Variants in CEP85L observed in about 807,000 individuals in gnomAD.
The protein encoded by CEP85L is centrosomal protein 85L.
CEP85L carries 60 observed loss-of-function variants against 100.3 expected under a neutral mutation model. The ratio of observed to expected loss-of-function variants is 0.60; its 90% confidence interval spans 0.49 to 0.74. CEP85L has a LOEUF of 0.74. CEP85L is among the 30% of genes least tolerant of loss of function. The pLI, the probability that CEP85L is intolerant of heterozygous loss-of-function variation, is 0.00. For missense variants in CEP85L, 973 were observed against 936.2 expected (o/e 1.04, Z -0.51); for synonymous variants, 319 against 322.7 (o/e 0.99, Z 0.12).
intron 2 of CEP85L, among the ~76,000 whole-genome samples, chr6:118,619,590 A>G (rs991187696): frequency 2.0e-5 from 3 of 152,178 alleles, no homozygotes; most frequent in Non-Finnish European, 2.9e-5. Context: ...AAGAAAACGT[A>G]AACTCCGCGA....
At chr6:118,616,087 A>C (rs1321728867) in intron 2 of CEP85L, among the ~76,000 whole-genome samples, 1 of 152,170 alleles carries the variant, frequency 6.6e-6, no homozygotes, top group South Asian at 2.1e-4. Context: ...AAAATGGATC[A>C]CAAATATAAT....
chr6:118,541,680 T>C (rs1446390373), intron 3 of CEP85L, among the ~76,000 whole-genome samples: 3 of 152,160 alleles, frequency 2.0e-5, no homozygotes, highest in Non-Finnish European at 4.4e-5. Context: ...ATTATCAAAG[T>C]CTTTAAATAA....
intron 2 of CEP85L, among the ~76,000 whole-genome samples, chr6:118,588,664 T>C (rs1453652452): frequency 6.6e-6 from 1 of 152,232 alleles, no homozygotes; most frequent in Admixed American, 6.5e-5. Flanking sequence ...TTAAGCTCCC[T>C]CTTGCTTACA....
chr6:118,473,825 A>G (rs1297211047), intron 10 of CEP85L, among the ~76,000 whole-genome samples: 1 of 152,186 alleles, frequency 6.6e-6, no homozygotes, highest in Admixed American at 6.5e-5. Flanking sequence ...TGAGGAGTCA[A>G]GGATAAATCT....
chr6:118,467,519 C>T (rs1772618871), intron 12 of CEP85L, among the ~76,000 whole-genome samples: 1 of 152,108 alleles, frequency 6.6e-6, no homozygotes, highest in Non-Finnish European at 1.5e-5. Flanking sequence ...GCTGGTAAAA[C>T]TTTCACAATG....
At chr6:118,518,315 C>G (rs1776408259) in intron 4 of CEP85L, among the ~76,000 whole-genome samples, 1 of 152,122 alleles carries the variant, frequency 6.6e-6, no homozygotes, top group South Asian at 2.1e-4. Context: ...ATACCAGCTC[C>G]TCTTTGTACC....
intron 1 of CEP85L, among the ~76,000 whole-genome samples, chr6:118,659,716 A>T (rs1023974034): frequency 7.2e-5 from 11 of 152,216 alleles, no homozygotes; most frequent in African/African-American, 2.2e-4. Flanking sequence ...TTCTTTGCTC[A>T]CCCTTGAAGG....
At chr6:118,544,931 G>C (rs1190952780) in intron 3 of CEP85L, among the ~76,000 whole-genome samples, 1 of 151,894 alleles carries the variant, frequency 6.6e-6, no homozygotes, top group African/African-American at 2.4e-5. Flanking sequence ...GATGTTTTTT[G>C]AACCAGTCCT....
chr6:118,629,166 T>C (rs909889555), intron 2 of CEP85L, among the ~76,000 whole-genome samples: 4 of 152,084 alleles, frequency 2.6e-5, no homozygotes, highest in Non-Finnish European at 5.9e-5. Context: ...GTAGATTATA[T>C]GTAAATACTA....
In CEP85L at chr6:118,483,828, GACT is replaced by G; in HGVS notation, c.1465_1467del (p.Ser489del). The G allele has an allele frequency of 6.2e-7, 1 of 1,613,574 alleles. No individual in the cohort carries two copies. Among genetic ancestry groups the G allele is most frequent in the Non-Finnish European group, 8.5e-7 (1 of 1,179,796 alleles). ...GATTCCTTCTGGCATTTCTTTTTCAGACTACTGATGTATCGATCTCTAGTTTTA... is the reference window on the plus strand; with the variant it reads ...GATTCCTTCTGGCATTTCTTTTTCAGACTGATGTATCGATCTCTAGTTTTA... On this transcript the variant is annotated inframe_deletion, in exon 7 of 13. Transcript: ENST00000368491.
Position 118,632,439 on chromosome 6 carries a change from G to T in CEP85L, c.232+14C>A, listed in dbSNP as rs141879408. The T allele has an allele frequency of 6.3e-7, 1 of 1,577,396 alleles. No individual in the cohort carries two copies. Among genetic ancestry groups the T allele is most frequent in the South Asian group, 1.2e-5 (1 of 83,352 alleles). On this transcript the variant is annotated intron_variant, in intron 2 of 12. Transcript: ENST00000368491. The stretch of plus-strand genomic sequence containing the variant: ...TCAAAGATTCATATATAAACAATAA[G>T]AATTTTAGCTCACCTTCCACGCTAT...
chr6:118,592,101 A>G (rs1781220834), intron 2 of CEP85L, among the ~76,000 whole-genome samples: 1 of 152,250 alleles, frequency 6.6e-6, no homozygotes, highest in Non-Finnish European at 1.5e-5. Context: ...CCAAGAACAG[A>G]GCTCAAAATA....
chr6:118,513,372 A>C (rs922354856), intron 4 of CEP85L, among the ~76,000 whole-genome samples: 1 of 152,158 alleles, frequency 6.6e-6, no homozygotes, highest in Non-Finnish European at 1.5e-5. Context: ...GTGAACCCCA[A>C]ATAAAAGTAA....
chr6:118,535,870 CTT>C (rs1014179218), intron 3 of CEP85L, among the ~76,000 whole-genome samples: 19 of 152,038 alleles, frequency 1.2e-4, no homozygotes, highest in African/African-American at 4.6e-4. Context: ...TAAATTAAAT[CTT>C]ATAGATTTAA....
In CEP85L at chr6:118,651,219, G is replaced by A. The variant is rs926040521; in HGVS notation, c.51C>T (p.Gly17=). 5 of 1,496,440 alleles carry A rather than the reference G, an allele frequency of 3.3e-6. No homozygotes were observed. The highest frequency in any genetic ancestry group is 1.5e-5 in the African/African-American group (1 of 68,826). The allele number at this position is 1,496,440 out of a possible 1,614,324, so 92.7% of individuals were successfully genotyped here. The change falls in exon 1 of 13, where the codon GGC becomes GGT. Residue 17 remains glycine, a synonymous_variant. Transcript: ENST00000368491. The stretch of plus-strand genomic sequence containing the variant: ...TACCGGCAGGGAAGCTGCGGGCTCC[G>A]CCGGGGCTATCCCGGCCGCTGGCCT... ...APEASGRDSP[G]GARSFPAGPD... is the part of the protein sequence containing the mutation.
intron 3 of CEP85L, among the ~76,000 whole-genome samples, chr6:118,546,648 AACAG>A (rs1317949616): frequency 6.6e-6 from 1 of 152,126 alleles, no homozygotes; most frequent in Non-Finnish European, 1.5e-5. Flanking sequence ...AGGAATTATA[AACAG>A]ACAGATCTGG....
At chr6:118,523,168 C>A (rs774702378) in intron 4 of CEP85L, among the ~76,000 whole-genome samples, 1 of 152,076 alleles carries the variant, frequency 6.6e-6, no homozygotes, top group Non-Finnish European at 1.5e-5. Context: ...ATTTAATTAT[C>A]CCAAAAGCAT....
At chr6:118,559,194 T>C (rs1779084982) in intron 3 of CEP85L, 2 of 837,890 alleles carry the variant, frequency 2.4e-6, no homozygotes, top group Admixed American at 3.4e-5. Flanking sequence ...TAGAAGAGTT[T>C]CTTTGTGAAA....
chr6:118,466,819 T>A (rs1159931297), intron 12 of CEP85L, among the ~76,000 whole-genome samples: 1 of 151,922 alleles, frequency 6.6e-6, no homozygotes, highest in East Asian at 1.9e-4. Context: ...GGGGAGGGGA[T>A]GAGAAAGATG....
Sources: gnomAD v4.1 joint callset for allele counts (sites outside exome capture counted in the v4.1 genomes callset) on GRCh38, gnomAD v4.1.1 for gene constraint, MANE v1.5 for transcripts, NCBI Gene and HGNC (gene_info 2026-07-23, HGNC 2026-07-21) for gene names.